The following PCDH7 variants were observed in gnomAD, a reference collection of about 807,000 sequenced individuals.
PCDH7 encodes the protein protocadherin-7.
Under a neutral mutation model 58.9 loss-of-function variants are expected in PCDH7, and 17 were observed. That is an observed-to-expected ratio of 0.29 (90% CI 0.20 to 0.43). The LOEUF is 0.43. Among genes scored for constraint, PCDH7 ranks in the 20% least tolerant of loss-of-function variants. The pLI, the probability that PCDH7 is intolerant of heterozygous loss-of-function variation, is 1.00. For missense variants in PCDH7, 1,274 were observed against 1,441.0 expected, an observed-to-expected ratio of 0.88 and a Z score of 1.88; for synonymous variants, 664 against 616.4, an observed-to-expected ratio of 1.08 and a Z score of -1.14.
intron 1 of PCDH7, among the ~76,000 whole-genome samples, chr4:30,898,538 C>A (rs188394284): frequency 2.0e-4 from 31 of 152,294 alleles, no homozygotes; most frequent in African/African-American, 7.5e-4. Flanking sequence ...AAGGCACATT[C>A]CTGATTCCTC....
Position 31,126,398 on chromosome 4 carries a change from G to A in PCDH7, c.*8-16075G>A, listed in dbSNP as rs551899289. ...TGGTCTCGAACTCCTGGCCTTAAGC[G>A]ATCTGCTCACCTCAGCCTCTCAAGG... is the stretch of plus-strand genomic sequence containing the variant. On this transcript the variant is annotated intron_variant, in intron 3 of 3. Transcript: ENST00000509759. Among the ~76,000 whole-genome samples, 13 of 152,096 alleles carry A rather than the reference G, an allele frequency of 8.5e-5. No homozygotes were observed. In the South Asian group the frequency reaches 1.9e-3, roughly 22 times the overall value.
At chr4:30,961,509 G>A (rs976648908) in intron 3 of PCDH7, among the ~76,000 whole-genome samples, 6 of 151,692 alleles carry the variant, frequency 4.0e-5, no homozygotes, top group African/African-American at 9.7e-5. Flanking sequence ...CCGAGATCGT[G>A]CCACTGCACT....
intron 3 of PCDH7, among the ~76,000 whole-genome samples, chr4:31,116,600 A>G (rs1717013730): frequency 6.6e-6 from 1 of 152,174 alleles, no homozygotes; most frequent in Admixed American, 6.5e-5. Flanking sequence ...TTATCCTTGG[A>G]AAAAAATCTT....
At chr4:31,041,193 A>G (rs1485103323) in intron 3 of PCDH7, among the ~76,000 whole-genome samples, 3 of 152,194 alleles carry the variant, frequency 2.0e-5, no homozygotes, top group African/African-American at 7.2e-5. Flanking sequence ...TCCTGAAAGA[A>G]GGTGCAATAT....
At chr4:31,120,942 C>A (rs1717619404) in intron 3 of PCDH7, among the ~76,000 whole-genome samples, 1 of 152,136 alleles carries the variant, frequency 6.6e-6, no homozygotes, top group Non-Finnish European at 1.5e-5. Flanking sequence ...ATAATCAATT[C>A]CCATGATGAT....
intron 1 of PCDH7, among the ~76,000 whole-genome samples, chr4:30,910,490 A>G (rs1741586265): frequency 6.6e-6 from 1 of 152,188 alleles, no homozygotes; most frequent in East Asian, 1.9e-4. Context: ...ACCCCGTTAA[A>G]AAGTGGGCAA....
downstream of PCDH7, among the ~76,000 whole-genome samples, chr4:30,736,630 G>C (rs1716328704): frequency 6.6e-6 from 1 of 151,096 alleles, no homozygotes; most frequent in Admixed American, 6.6e-5. Flanking sequence ...CCGCCTCCCG[G>C]ATTCGCGCCA....
At chr4:30,867,006 A>AAG (rs780922591) in intron 1 of PCDH7, among the ~76,000 whole-genome samples, 1 of 152,066 alleles carries the variant, frequency 6.6e-6, no homozygotes, top group Non-Finnish European at 1.5e-5. Context: ...AGGTAGATCT[A>AAG]AGGTTCATGG....
chr4:30,936,276 G>A (rs903056305), intron 2 of PCDH7, among the ~76,000 whole-genome samples: 3 of 151,946 alleles, frequency 2.0e-5, no homozygotes, highest in South Asian at 2.1e-4. Context: ...AAGGTGAGAA[G>A]AAGATATGGA....
chr4:30,772,145 C>T (rs1363579265), intron 1 of PCDH7, among the ~76,000 whole-genome samples: 4 of 152,192 alleles, frequency 2.6e-5, no homozygotes, highest in African/African-American at 9.7e-5. Context: ...GCTGGGATTA[C>T]AGGCGTGAGC....
intron 2 of PCDH7, among the ~76,000 whole-genome samples, chr4:30,922,687 G>A (rs796818991): frequency 2.0e-5 from 3 of 152,000 alleles, no homozygotes; most frequent in African/African-American, 7.2e-5. Flanking sequence ...AAAAGCAAGG[G>A]TCATGATAAT....
chr4:31,146,754 T>C (rs1353352162), downstream of PCDH7: 2 of 152,186 alleles, frequency 1.3e-5, no homozygotes, highest in African/African-American at 2.4e-5. Context: ...ATAAATTGCT[T>C]GTCATTTTTG....
intron 1 of PCDH7, among the ~76,000 whole-genome samples, chr4:30,784,399 C>T (rs1463222699): frequency 6.6e-6 from 1 of 152,040 alleles, no homozygotes; most frequent in African/African-American, 2.4e-5. Context: ...CAGCTTAAAC[C>T]ACAAAAATAG....
At chr4:31,027,523 A>G (rs1262547021) in intron 3 of PCDH7, among the ~76,000 whole-genome samples, 1 of 152,068 alleles carries the variant, frequency 6.6e-6, no homozygotes, top group Admixed American at 6.6e-5. Context: ...CCCAGGTTCA[A>G]GGGATTCTCC....
intron 3 of PCDH7, among the ~76,000 whole-genome samples, chr4:31,047,133 T>C (rs1756354777): frequency 6.6e-6 from 1 of 152,158 alleles, no homozygotes; most frequent in South Asian, 2.1e-4. Context: ...AGTTGAAACT[T>C]TCCTTTTTCT....
intron 1 of PCDH7, among the ~76,000 whole-genome samples, chr4:30,889,851 G>C (rs1246822411): frequency 6.6e-6 from 1 of 152,074 alleles, no homozygotes; most frequent in Non-Finnish European, 1.5e-5. Flanking sequence ...AATTTGGGAG[G>C]GACACAGACA....
chr4:31,076,149 T>TA (rs1385822448), intron 3 of PCDH7, among the ~76,000 whole-genome samples: 1 of 152,178 alleles, frequency 6.6e-6, no homozygotes, highest in Non-Finnish European at 1.5e-5. Flanking sequence ...TTGAAGCTCT[T>TA]AGAGTGCAGA....
chr4:30,889,609 T>C (rs919821504), intron 1 of PCDH7, among the ~76,000 whole-genome samples: 7 of 152,052 alleles, frequency 4.6e-5, no homozygotes, highest in African/African-American at 9.7e-5. Flanking sequence ...CCCATCAGAG[T>C]TCTAGAGGCT....
chr4:31,102,734 A>G (rs13434801), intron 3 of PCDH7, among the ~76,000 whole-genome samples: 4,580 of 152,174 alleles, frequency 0.03, 229 homozygotes, highest in African/African-American at 0.1. Flanking sequence ...ATAGTCAAGT[A>G]TCATGTACAA....
Sources: gnomAD v4.1 joint callset for allele counts (sites outside exome capture counted in the v4.1 genomes callset) on GRCh38, gnomAD v4.1.1 for gene constraint, MANE v1.5 for transcripts, NCBI Gene and HGNC (gene_info 2026-07-23, HGNC 2026-07-21) for gene names.